Variants in ATP6V1H observed in about 807,000 individuals in gnomAD.
ATP6V1H encodes V-type proton ATPase subunit H.
ATP6V1H carries 39 observed loss-of-function variants against 71.7 expected under a neutral mutation model. The ratio of observed to expected loss-of-function variants is 0.54; its 90% CI spans 0.42 to 0.71. The LOEUF is 0.71. Among genes scored for constraint, ATP6V1H ranks in the 30% least tolerant of loss-of-function variants. ATP6V1H has a pLI of 0.00. For synonymous variants in ATP6V1H, 192 were observed against 199.3 expected, an observed-to-expected ratio of 0.96 and a Z score of 0.31; for missense variants, 509 against 594.9, an observed-to-expected ratio of 0.86 and a Z score of 1.50.
intron 9 of ATP6V1H, among the ~76,000 whole-genome samples, chr8:53,782,847 T>C (rs1809210025): frequency 1.3e-5 from 2 of 152,238 alleles, no homozygotes; most frequent in African/African-American, 4.8e-5. Flanking sequence ...ATTACGTTTA[T>C]TGATTTTCGT....
chr8:53,779,568 C>T (rs1257350968), intron 9 of ATP6V1H, among the ~76,000 whole-genome samples: 2 of 150,858 alleles, frequency 1.3e-5, no homozygotes, highest in Non-Finnish European at 2.9e-5. Flanking sequence ...CCTTGTATAA[C>T]TACTTCTACA....
intron 7 of ATP6V1H, among the ~76,000 whole-genome samples, chr8:53,806,445 C>CA (rs908329163): frequency 8.2e-5 from 12 of 146,460 alleles, no homozygotes; most frequent in South Asian, 2.1e-4. Flanking sequence ...ATAGTTTCAC[C>CA]AAAAAAAAAA....
At chr8:53,753,180 CAGAA>C (rs2130236225) in intron 12 of ATP6V1H, among the ~76,000 whole-genome samples, 1 of 150,960 alleles carries the variant, frequency 6.6e-6, no homozygotes, top group East Asian at 1.9e-4. Context: ...AGAGCTTGCA[CAGAA>C]AGTAAGTTAT....
intron 6 of ATP6V1H, among the ~76,000 whole-genome samples, chr8:53,812,296 AACTTAAAGCCAAAC>A (rs772091653): frequency 4.6e-5 from 7 of 152,220 alleles, no homozygotes; most frequent in Non-Finnish European, 1.0e-4. Flanking sequence ...TAAAGTCCAC[AACTTAAAGCCAAAC>A]ACTCTGTGAT....
chr8:53,798,278 C>A (rs1398198131), intron 8 of ATP6V1H, among the ~76,000 whole-genome samples: 3 of 152,048 alleles, frequency 2.0e-5, no homozygotes, highest in African/African-American at 7.2e-5. Flanking sequence ...ATAATCCCAG[C>A]ACTTTGGGAG....
chr8:53,817,447 C>T lies in ATP6V1H; in HGVS notation c.390G>A (p.Leu130=). ...GAACAGTGAAGGGATCCTGGCGATT[C>T]AACATTGGCAGAAAGTAGGGCCACG... ...NTAWPYFLPM[L]NRQDPFTVHM... Residue 130 remains leucine, a synonymous_variant, in exon 5 of 14, where the codon TTG becomes TTA. Transcript: ENST00000359530. The T allele has an allele frequency of 1.2e-6, 2 of 1,613,212 alleles. No individual in the cohort carries two copies. The highest frequency in any genetic ancestry group is 1.7e-6 in the Non-Finnish European group (2 of 1,179,324).
intron 4 of ATP6V1H, among the ~76,000 whole-genome samples, chr8:53,822,734 G>A (rs184489450): frequency 5.4e-4 from 82 of 151,996 alleles, no homozygotes; most frequent in Non-Finnish European, 8.4e-4. Flanking sequence ...AACAAGACCC[G>A]AATCTATACT....
At chr8:53,767,916 A>G (rs1008890900) in intron 11 of ATP6V1H, among the ~76,000 whole-genome samples, 1 of 152,254 alleles carries the variant, frequency 6.6e-6, no homozygotes, top group African/African-American at 2.4e-5. Context: ...AAGCATGAGA[A>G]ACTAAGGAAA....
chr8:53,804,947 G>C (rs1339589522), intron 7 of ATP6V1H, among the ~76,000 whole-genome samples: 1 of 152,100 alleles, frequency 6.6e-6, no homozygotes, highest in Non-Finnish European at 1.5e-5. Context: ...AAAGATAATA[G>C]CAACTACAGT....
At position 53,814,678 on chromosome 8, in the gene ATP6V1H, G is replaced by T; in HGVS notation, c.509C>A (p.Thr170Asn). ...DLNYYFNWIK[T>N]QLSSQKLRGS... ...TTCTTTTACCTGTGAACTCAGCTGA[G>T]TTTTTATCCAATTGAAATAGTAATT... Residue 170 changes from threonine to asparagine, a missense_variant, in exon 6 of 14, where the codon ACT becomes AAT. By Grantham distance (65) the Thr-to-Asn change is moderately conservative. Transcript: ENST00000359530. 1 of 1,609,360 alleles carries T rather than the reference G, an allele frequency of 6.2e-7. No homozygotes were observed. The highest frequency in any genetic ancestry group is 8.5e-7 in the Non-Finnish European group (1 of 1,177,026).
intron 12 of ATP6V1H, among the ~76,000 whole-genome samples, chr8:53,756,100 T>G (rs1808048301): frequency 1.4e-5 from 2 of 141,548 alleles, no homozygotes; most frequent in Non-Finnish European, 3.1e-5. Context: ...AGACACAATC[T>G]TGCTCTGTCG....
chr8:53,726,915 T>C (rs912468668), intron 13 of ATP6V1H, among the ~76,000 whole-genome samples: 2 of 152,168 alleles, frequency 1.3e-5, no homozygotes, highest in African/African-American at 4.8e-5. Flanking sequence ...AATCACAAGT[T>C]TGGACCATAA....
intron 7 of ATP6V1H, among the ~76,000 whole-genome samples, chr8:53,808,911 T>C (rs755476307): frequency 6.6e-6 from 1 of 152,190 alleles, no homozygotes; most frequent in Non-Finnish European, 1.5e-5. Flanking sequence ...TTTCACATTT[T>C]GCAGTGTAAA....
intron 11 of ATP6V1H, among the ~76,000 whole-genome samples, chr8:53,769,315 G>A (rs1808570835): frequency 6.6e-6 from 1 of 151,950 alleles, no homozygotes. Flanking sequence ...AAAGTAAAAT[G>A]GCATGCAACA....
At chr8:53,757,574 G>T (rs1808117597) in intron 11 of ATP6V1H, among the ~76,000 whole-genome samples, 1 of 152,288 alleles carries the variant, frequency 6.6e-6, no homozygotes, top group Admixed American at 6.5e-5. Flanking sequence ...CAGTCAGAAT[G>T]AATGTTTTTT....
rs182421330 is a variant in ATP6V1H at position 53,766,977 on chromosome 8, C to T, written c.1175+2641G>A. On this transcript the variant is annotated intron_variant, in intron 11 of 13. Transcript: ENST00000359530. ...TTGATGTCTGTCACCCACACCTATTCGCACACTCCCTCCCCTTTTGAAACT... is the reference window on the plus strand; with the variant it reads ...TTGATGTCTGTCACCCACACCTATTTGCACACTCCCTCCCCTTTTGAAACT... Among the ~76,000 whole-genome samples the T allele has an allele frequency of 2.5e-3, 384 of 152,274 alleles. 2 individuals are homozygous for T. The highest frequency in any genetic ancestry group is 8.1e-3 in the African/African-American group (335 of 41,534).
rs377448184 is a variant in ATP6V1H at position 53,811,221 on chromosome 8, T to G, written c.526-4A>C. On this transcript the variant is annotated splice_polypyrimidine_tract_variant and splice_region_variant and intron_variant, in intron 6 of 13. Transcript: ENST00000359530. The stretch of plus-strand genomic sequence containing the variant: ...CAACACCGCTACCACGCAGTTTCTA[T>G]TACGAAATAAATAACTCATTATTTA... 9.9e-6 allele frequency: 16 copies of G among 1,612,382 alleles called. No individual in the cohort carries two copies. The highest frequency in any genetic ancestry group is 1.3e-5 in the African/African-American group (1 of 74,898).
At chr8:53,822,658 T>A (rs987035138) in intron 4 of ATP6V1H, among the ~76,000 whole-genome samples, 1 of 152,080 alleles carries the variant, frequency 6.6e-6, no homozygotes, top group Non-Finnish European at 1.5e-5. Flanking sequence ...AGATCAAATT[T>A]CTTAGTAATA....
chr8:53,756,500 G>C (rs551590328), intron 12 of ATP6V1H, 55 bp downstream of exon 12: 364 of 1,339,190 alleles, frequency 2.7e-4, no homozygotes, highest in South Asian at 5.5e-4. Context: ...ACATTATTTA[G>C]GACTCTACAC....
Sources: allele counts gnomAD v4.1 joint callset (sites outside exome capture counted in the v4.1 genomes callset), GRCh38; gene constraint gnomAD v4.1.1; transcripts MANE v1.5; gene names NCBI Gene and HGNC (gene_info 2026-07-23, HGNC 2026-07-21).